KLHDC10: variants seen among roughly 807,000 people sequenced by gnomAD.
The protein encoded by KLHDC10 is kelch domain-containing protein 10.
A neutral mutation model predicts 56.1 loss-of-function variants in KLHDC10; 24 were observed. The ratio of observed to expected loss-of-function variants is 0.43; its 90% confidence interval spans 0.31 to 0.60. KLHDC10 has a LOEUF of 0.60. Ranked by LOEUF, KLHDC10 falls within the 20% of genes least tolerant of loss-of-function variation. The pLI, the probability that KLHDC10 is intolerant of heterozygous loss-of-function variation, is 0.11. For missense variants in KLHDC10, 349 were observed against 567.0 expected (o/e 0.62, Z 3.91); for synonymous variants, 188 against 207.1 (o/e 0.91, Z 0.79).
At chr7:130,089,225 G>A (rs1313430809) in intron 1 of KLHDC10, among the ~76,000 whole-genome samples, 1 of 152,144 alleles carries the variant, frequency 6.6e-6, no homozygotes, top group African/African-American at 2.4e-5. Flanking sequence ...TGGGCATGGT[G>A]GCTCATGTCT....
chr7:130,112,852 C>G (rs1796119593), intron 2 of KLHDC10, among the ~76,000 whole-genome samples: 1 of 152,124 alleles, frequency 6.6e-6, no homozygotes, highest in Non-Finnish European at 1.5e-5. Flanking sequence ...ATTAGATGCT[C>G]TTTACCCAAA....
At chr7:130,095,408 AT>A (rs1428739135) in intron 1 of KLHDC10, among the ~76,000 whole-genome samples, 1 of 152,154 alleles carries the variant, frequency 6.6e-6, no homozygotes, top group Non-Finnish European at 1.5e-5. Context: ...TAAATGGAAC[AT>A]TTTAGCTTTT....
chr7:130,096,709 T>C (rs1222733485), intron 1 of KLHDC10, among the ~76,000 whole-genome samples: 1 of 152,186 alleles, frequency 6.6e-6, no homozygotes, highest in African/African-American at 2.4e-5. Context: ...TTGTATTCTT[T>C]TGGGGGTAAG....
chr7:130,114,918 G>C (rs1796146908), intron 2 of KLHDC10, among the ~76,000 whole-genome samples: 1 of 152,002 alleles, frequency 6.6e-6, no homozygotes. Flanking sequence ...AGGTTAGTAG[G>C]AGAAAAGCTC....
rs1796247127 is a variant in KLHDC10 at position 130,121,430 on chromosome 7, CTT to C, written c.630+529_630+530del. ...AGCAACCCACCATACATCAGAGACT[CTT>C]TGAGAGTTTAAGCTTAAAACAACCA... On this transcript the variant is annotated intron_variant, in intron 4 of 9. Coordinates refer to ENST00000335420, the MANE Select transcript of KLHDC10 (RefSeq NM_014997.4). Among the ~76,000 whole-genome samples the C allele has an allele frequency of 2.0e-5, 3 of 152,216 alleles. No homozygotes were observed. In the South Asian group the frequency reaches 6.2e-4, roughly 32 times the overall value.
intron 2 of KLHDC10, among the ~76,000 whole-genome samples, chr7:130,110,020 T>C (rs1224946572): frequency 1.3e-5 from 2 of 152,268 alleles, no homozygotes; most frequent in African/African-American, 4.8e-5. Context: ...TCCTTCAGTG[T>C]TGAACAGTTT....
chr7:130,128,887 AAAATATATAT>A lies in KLHDC10; in HGVS notation c.980-548_980-539del, dbSNP rs1232923472. On this transcript the variant is annotated intron_variant, in intron 8 of 9. Coordinates refer to ENST00000335420, the MANE Select transcript of KLHDC10 (RefSeq NM_014997.4). ...AGACCTTGTCTCTTAAAAAAAAAAA[AAAATATATAT>A]ATATATATATATATATATATATACA... Among the ~76,000 whole-genome samples the A allele has an allele frequency of 1.5e-3, 101 of 68,250 alleles. 2 individuals are homozygous for A. Among genetic ancestry groups the A allele is most frequent in the African/African-American group, 6.3e-3 (93 of 14,736 alleles). The allele number at this position is 68,250 out of a possible 152,430, so 44.8% of individuals were successfully genotyped here.
chr7:130,091,487 A>G lies in KLHDC10; in HGVS notation c.167-5434A>G, dbSNP rs545044554. ...TTACTTCTATCAATTTGACTTGGCA[A>G]TTGGCTCTTAAATGTTTGGAGGAAT... is the stretch of plus-strand genomic sequence containing the variant. On this transcript the variant is annotated intron_variant, in intron 1 of 9. Transcript: ENST00000335420. Among the ~76,000 whole-genome samples the G allele has an allele frequency of 3.3e-5, 5 of 152,332 alleles. No homozygotes were observed. In the East Asian group the frequency reaches 9.6e-4, roughly 29 times the overall value.
intron 5 of KLHDC10, among the ~76,000 whole-genome samples, chr7:130,123,076 T>G (rs1447740507): frequency 1.3e-5 from 2 of 151,844 alleles, no homozygotes; most frequent in African/African-American, 4.9e-5. Context: ...TCATTTTAAG[T>G]GCTGTGTTAA....
rs1796405302 is a variant in KLHDC10 at position 130,131,841 on chromosome 7, C to T, written c.*1095C>T. ...CCTGCCATTTTCTCAGGCAGTTGGT[C>T]CTTGATTTTTCCCTTAGCTTGTTGC... On this transcript the variant is annotated 3_prime_UTR_variant, in exon 10 of 10. Transcript: ENST00000335420. 1 of 152,072 alleles carries T rather than the reference C, an allele frequency of 6.6e-6. No homozygotes were observed. Among genetic ancestry groups the T allele is most frequent in the African/African-American group, 2.4e-5 (1 of 41,390 alleles). 9.4% of individuals were successfully genotyped at this position (152,072 alleles called of 1,614,324 possible).
intron 4 of KLHDC10, among the ~76,000 whole-genome samples, chr7:130,121,182 T>G (rs1350027282): frequency 6.6e-6 from 1 of 152,160 alleles, no homozygotes; most frequent in East Asian, 1.9e-4. Context: ...CCTTTAAATG[T>G]TAGAACCCCA....
intron 1 of KLHDC10, among the ~76,000 whole-genome samples, chr7:130,071,857 C>T (rs575169031): frequency 6.6e-6 from 1 of 152,224 alleles, no homozygotes; most frequent in South Asian, 2.1e-4. Flanking sequence ...GTACCTTATA[C>T]TTCTAGTCAA....
At chr7:130,102,805 A>G (rs1344931498) in intron 2 of KLHDC10, among the ~76,000 whole-genome samples, 1 of 152,042 alleles carries the variant, frequency 6.6e-6, no homozygotes, top group African/African-American at 2.4e-5. Context: ...CAGCCTGGAC[A>G]ACAGAGCGAG....
rs1796400845 is a variant in KLHDC10 at position 130,131,552 on chromosome 7, A to T, written c.*806A>T. ...GGTGGCCAAAGTTCTTCATTCTGGCAGTTTTGAAACTCTCTTATGCTTATT... is the reference window on the plus strand; with the variant it reads ...GGTGGCCAAAGTTCTTCATTCTGGCTGTTTTGAAACTCTCTTATGCTTATT... On this transcript the variant is annotated 3_prime_UTR_variant, in exon 10 of 10. Transcript: ENST00000335420. 6.6e-6 allele frequency: 1 copy of T among 152,222 alleles called. No individual in the cohort carries two copies. The highest frequency in any genetic ancestry group is 1.5e-5 in the Non-Finnish European group (1 of 68,044). 9.4% of individuals were successfully genotyped at this position (152,222 alleles called of 1,614,324 possible).
At chr7:130,082,405 A>G (rs1320005342) in intron 1 of KLHDC10, among the ~76,000 whole-genome samples, 1 of 152,208 alleles carries the variant, frequency 6.6e-6, no homozygotes, top group African/African-American at 2.4e-5. Context: ...CAACATTTTG[A>G]TATTTTACTT....
intron 2 of KLHDC10, among the ~76,000 whole-genome samples, chr7:130,115,177 C>T (rs990831074): frequency 6.6e-6 from 1 of 152,062 alleles, no homozygotes; most frequent in African/African-American, 2.4e-5. Flanking sequence ...AGGTGTCTAG[C>T]GTTGTCCTAA....
intron 1 of KLHDC10, among the ~76,000 whole-genome samples, chr7:130,093,622 T>G (rs1391617210): frequency 1.3e-5 from 2 of 152,204 alleles, no homozygotes; most frequent in Admixed American, 1.3e-4. Flanking sequence ...TTCAGACCAG[T>G]AATATATTTA....
At chr7:130,124,028 A>C (rs1796283840) in intron 5 of KLHDC10, among the ~76,000 whole-genome samples, 1 of 152,208 alleles carries the variant, frequency 6.6e-6, no homozygotes, top group Non-Finnish European at 1.5e-5. Context: ...CCCTTTATAC[A>C]AAGTTATCAC....
At chr7:130,104,250 G>A (rs768799277) in intron 2 of KLHDC10, among the ~76,000 whole-genome samples, 6 of 152,150 alleles carry the variant, frequency 3.9e-5, no homozygotes, top group Non-Finnish European at 7.3e-5. Context: ...AGAGGCAGAG[G>A]AAAATCTGCA....
Sources: gnomAD v4.1 joint callset for allele counts (sites outside exome capture counted in the v4.1 genomes callset) on GRCh38, gnomAD v4.1.1 for gene constraint, MANE v1.5 for transcripts, NCBI Gene and HGNC (gene_info 2026-07-23, HGNC 2026-07-21) for gene names.